SLIT3: variants seen among roughly 807,000 people sequenced by gnomAD.
SLIT3 encodes the protein slit homolog 3 protein.
SLIT3 carries 68 observed loss-of-function variants against 184.0 expected under a neutral mutation model. The observed-to-expected ratio is 0.37, with a 90% CI of 0.30 to 0.45. The LOEUF is 0.45. SLIT3 is among the 20% of genes least tolerant of loss of function. The pLI is 1.00. For synonymous variants in SLIT3, 831 were observed against 828.6 expected, an observed-to-expected ratio of 1.00 and a Z score of -0.05; for missense variants, 1,707 against 2,026.0, an observed-to-expected ratio of 0.84 and a Z score of 3.02.
chr5:168,684,119 G>A (rs1402772978), intron 31 of SLIT3, 23 bp from the exon 32 acceptor site: 1 of 1,557,614 alleles, frequency 6.4e-7, no homozygotes, highest in Non-Finnish European at 8.7e-7. Flanking sequence ...GCCGGGGCGT[G>A]TTAGTAAGGG....
intron 4 of SLIT3, among the ~76,000 whole-genome samples, chr5:169,187,290 T>A (rs1349042992): frequency 2.6e-5 from 4 of 151,860 alleles, no homozygotes; most frequent in Non-Finnish European, 4.4e-5. Flanking sequence ...TTTTTGTGTT[T>A]TTAGTAGAGA....
intron 20 of SLIT3, among the ~76,000 whole-genome samples, chr5:168,728,772 G>C (rs1187191096): frequency 6.6e-6 from 1 of 151,830 alleles, no homozygotes; most frequent in African/African-American, 2.4e-5. Flanking sequence ...TAAAAAGTCA[G>C]CTGGGGAAGG....
At chr5:169,134,161 C>T (rs1246390985) in intron 4 of SLIT3, among the ~76,000 whole-genome samples, 1 of 152,232 alleles carries the variant, frequency 6.6e-6, no homozygotes, top group Non-Finnish European at 1.5e-5. Context: ...CTCAAATCTT[C>T]TCTCAACATG....
intron 33 of SLIT3, among the ~76,000 whole-genome samples, chr5:168,672,975 G>C (rs1413806128): frequency 1.3e-5 from 2 of 152,092 alleles, no homozygotes; most frequent in Non-Finnish European, 2.9e-5. Context: ...CAGGAGTCCT[G>C]TTCTCTTTCC....
In SLIT3 at chr5:168,666,478, C is replaced by T. The variant is rs1761046400; in HGVS notation, c.4548G>A (p.Glu1516=). Residue 1516 remains glutamate (E), a synonymous_variant, in exon 36 of 36, where the codon GAG becomes GAA. Transcript: ENST00000519560. ...SFVEEVERHL[E]CGCLACS The stretch of plus-strand genomic sequence containing the variant: ...CTTAGGAACACGCGAGGCAGCCGCA[C>T]TCTAAGTGTCTCTCCACCTCTTCTA... The T allele has an allele frequency of 1.3e-6, 2 of 1,590,984 alleles. No homozygotes were observed. The highest frequency in any genetic ancestry group is 2.2e-5 in the East Asian group (1 of 44,558).
chr5:169,253,473 G>A (rs1765847592), intron 1 of SLIT3, among the ~76,000 whole-genome samples: 1 of 152,168 alleles, frequency 6.6e-6, no homozygotes, highest in Non-Finnish European at 1.5e-5. Context: ...GAGGCAGGCA[G>A]TCCTGAGCTT....
chr5:169,186,753 G>A (rs1045158689), intron 4 of SLIT3, among the ~76,000 whole-genome samples: 2 of 152,146 alleles, frequency 1.3e-5, no homozygotes, highest in African/African-American at 2.4e-5. Context: ...ATGAAGAGGC[G>A]GCGCAGACTA....
intron 4 of SLIT3, among the ~76,000 whole-genome samples, chr5:169,000,104 T>A (rs1755651753): frequency 6.6e-6 from 1 of 152,038 alleles, no homozygotes; most frequent in Non-Finnish European, 1.5e-5. Flanking sequence ...GCTGCGATCA[T>A]TATTAAGAAG....
At chr5:169,192,169 C>T (rs144228492) in intron 4 of SLIT3, among the ~76,000 whole-genome samples, 17 of 152,182 alleles carry the variant, frequency 1.1e-4, no homozygotes, top group African/African-American at 3.9e-4. Context: ...GCATTTCCTC[C>T]GCCCCCATGC....
intron 4 of SLIT3, among the ~76,000 whole-genome samples, chr5:168,954,718 G>T (rs1056675690): frequency 3.3e-5 from 5 of 152,168 alleles, no homozygotes; most frequent in African/African-American, 1.2e-4. Context: ...GCTAATTGGG[G>T]CCAGGCAGGT....
chr5:169,140,744 G>T (rs145802878), intron 4 of SLIT3, among the ~76,000 whole-genome samples: 1 of 152,130 alleles, frequency 6.6e-6, no homozygotes, highest in Non-Finnish European at 1.5e-5. Flanking sequence ...AGGCTGCAGT[G>T]AGCCATGATC....
chr5:169,172,371 A>G (rs1302601825), intron 4 of SLIT3, among the ~76,000 whole-genome samples: 1 of 152,222 alleles, frequency 6.6e-6, no homozygotes, highest in African/African-American at 2.4e-5. Context: ...CACCAGTCCT[A>G]TAAAGCTCAA....
chr5:168,878,424 G>T (rs1456915330), intron 5 of SLIT3, among the ~76,000 whole-genome samples: 1 of 152,178 alleles, frequency 6.6e-6, no homozygotes, highest in Non-Finnish European at 1.5e-5. Flanking sequence ...CTTTCTCTGG[G>T]CTCTGATAAA....
chr5:169,217,014 A>G (rs1288686560), intron 3 of SLIT3, among the ~76,000 whole-genome samples: 1 of 151,952 alleles, frequency 6.6e-6, no homozygotes, highest in African/African-American at 2.4e-5. Flanking sequence ...CATGGAAACC[A>G]TCCGGGGAGA....
At chr5:168,676,092 C>T (rs185764741) in intron 32 of SLIT3, among the ~76,000 whole-genome samples, 1 of 152,164 alleles carries the variant, frequency 6.6e-6, no homozygotes, top group Non-Finnish European at 1.5e-5. Context: ...TTCATCTACC[C>T]ACCCACCCTC....
At chr5:168,958,334 A>ACC (rs1762899587) in intron 4 of SLIT3, among the ~76,000 whole-genome samples, 1 of 152,168 alleles carries the variant, frequency 6.6e-6, no homozygotes, top group Non-Finnish European at 1.5e-5. Context: ...TGCTTGAGGA[A>ACC]ACTGCATGGC....
At chr5:169,227,556 T>C (rs981084031) in intron 3 of SLIT3, among the ~76,000 whole-genome samples, 3 of 152,164 alleles carry the variant, frequency 2.0e-5, no homozygotes, top group Non-Finnish European at 4.4e-5. Flanking sequence ...GCTTCCCCAG[T>C]AGCTGGGATT....
chr5:169,179,427 G>A (rs1175585675), intron 4 of SLIT3, among the ~76,000 whole-genome samples: 3 of 152,126 alleles, frequency 2.0e-5, no homozygotes, highest in African/African-American at 7.2e-5. Flanking sequence ...ATGAGGCCTA[G>A]AGATGAAGCC....
chr5:168,767,075 A>G (rs542211852), intron 14 of SLIT3, among the ~76,000 whole-genome samples: 5 of 152,332 alleles, frequency 3.3e-5, no homozygotes, highest in African/African-American at 1.2e-4. Flanking sequence ...TCATCTGTAA[A>G]GTGGGACTTT....
Sources: gnomAD v4.1 joint callset for allele counts (sites outside exome capture counted in the v4.1 genomes callset) on GRCh38, gnomAD v4.1.1 for gene constraint, MANE v1.5 for transcripts, NCBI Gene and HGNC (gene_info 2026-07-23, HGNC 2026-07-21) for gene names.